The following SORCS2 variants were observed in gnomAD, a reference collection of about 807,000 sequenced individuals.
The protein encoded by SORCS2 is VPS10 domain-containing receptor SorCS2.
A neutral mutation model predicts 141.6 loss-of-function variants in SORCS2; 100 were observed. The ratio of observed to expected loss-of-function variants is 0.71; its 90% CI spans 0.60 to 0.83. The LOEUF is 0.83. Ranked by LOEUF, SORCS2 falls within the 40% of genes least tolerant of loss-of-function variation. The pLI is 0.00. For synonymous variants in SORCS2, 789 were observed against 676.9 expected, an observed-to-expected ratio of 1.17 and a Z score of -2.57; for missense variants, 1,646 against 1,560.2, an observed-to-expected ratio of 1.05 and a Z score of -0.93.
chr4:7,552,200 C>T (rs192887804), intron 3 of SORCS2, among the ~76,000 whole-genome samples: 173 of 152,340 alleles, frequency 1.1e-3, no homozygotes, highest in Non-Finnish European at 2.2e-3. Flanking sequence ...TTCCCAAGAT[C>T]CAGGGCCCAT....
rs933707903 is a variant in SORCS2 at position 7,428,139 on chromosome 4, C to A, written c.548+31784C>A. Among the ~76,000 whole-genome samples, 18 of 152,190 alleles carry A rather than the reference C, an allele frequency of 1.2e-4. 1 individual carries two copies. Among genetic ancestry groups the A allele is most frequent in the African/African-American group, 4.3e-4 (18 of 41,458 alleles). ...CTTCACCTGGACCATGGAGGACAAC[C>A]TTGTTTTGCACAGCGTCCCTGGGGC... is the stretch of plus-strand genomic sequence containing the variant. On this transcript the variant is annotated intron_variant, in intron 2 of 26. Coordinates refer to ENST00000507866, the MANE Select transcript of SORCS2 (RefSeq NM_020777.3).
At chr4:7,508,231 G>C (rs74320534) in intron 2 of SORCS2, among the ~76,000 whole-genome samples, 3,000 of 148,924 alleles carry the variant, frequency 0.02, 122 homozygotes, top group African/African-American at 0.071. Flanking sequence ...GGGGTGAGGA[G>C]GGATGAAGGT....
chr4:7,307,150 C>G (rs925959771), intron 1 of SORCS2, among the ~76,000 whole-genome samples: 1 of 152,122 alleles, frequency 6.6e-6, no homozygotes, highest in African/African-American at 2.4e-5. Flanking sequence ...ACCCTGAAGG[C>G]GACGCCAGCC....
chr4:7,737,226 C>T (rs995764011), intron 26 of SORCS2, 54 bp downstream of exon 26: 79 of 1,546,554 alleles, frequency 5.1e-5, no homozygotes, highest in Non-Finnish European at 6.8e-5. Flanking sequence ...TAACGTCCGC[C>T]CCAAACCCAC....
intron 1 of SORCS2, among the ~76,000 whole-genome samples, chr4:7,326,935 G>A (rs559833503): frequency 1.3e-4 from 20 of 151,812 alleles, no homozygotes; most frequent in African/African-American, 4.4e-4. Context: ...CAGTCAGGGT[G>A]CAGTGGCCTC....
At chr4:7,452,315 A>AT (rs1728512938) in intron 2 of SORCS2, among the ~76,000 whole-genome samples, 1 of 151,652 alleles carries the variant, frequency 6.6e-6, no homozygotes, top group East Asian at 1.9e-4. Flanking sequence ...TAATTTTTGT[A>AT]TTTTTTAGTA....
chr4:7,397,699 G>A (rs767327594), intron 2 of SORCS2, among the ~76,000 whole-genome samples: 2 of 152,158 alleles, frequency 1.3e-5, no homozygotes, highest in Non-Finnish European at 2.9e-5. Flanking sequence ...AGCTCCGTGG[G>A]CCCTGTGAAA....
intron 1 of SORCS2, among the ~76,000 whole-genome samples, chr4:7,394,406 G>A (rs1020703213): frequency 6.9e-6 from 1 of 145,614 alleles, no homozygotes; most frequent in Non-Finnish European, 1.5e-5. Flanking sequence ...GGCAGGGTTG[G>A]AGGGGGGGTG....
At chr4:7,213,225 G>C (rs1321210555) in intron 1 of SORCS2, among the ~76,000 whole-genome samples, 2 of 152,214 alleles carry the variant, frequency 1.3e-5, no homozygotes, top group African/African-American at 4.8e-5. Flanking sequence ...CCTGTGGGCT[G>C]TGGCACCTCC....
chr4:7,523,651 C>T (rs1356553132), intron 2 of SORCS2, among the ~76,000 whole-genome samples: 3 of 152,148 alleles, frequency 2.0e-5, no homozygotes, highest in African/African-American at 7.2e-5. Context: ...GAATGGGCCA[C>T]AGCATCCATC....
At chr4:7,315,088 C>T (rs1347475031) in intron 1 of SORCS2, among the ~76,000 whole-genome samples, 2 of 152,198 alleles carry the variant, frequency 1.3e-5, no homozygotes, top group African/African-American at 2.4e-5. Context: ...CGACCTCGGC[C>T]TCCCAAAGTG....
At chr4:7,639,528 T>G (rs1299780432) in intron 4 of SORCS2, among the ~76,000 whole-genome samples, 21 of 136,864 alleles carry the variant, frequency 1.5e-4, no homozygotes, top group Admixed American at 2.9e-4. Context: ...TTGTGGGATG[T>G]GGGGGGGTGT....
chr4:7,514,042 A>G (rs1312851468), intron 2 of SORCS2, among the ~76,000 whole-genome samples: 1 of 152,144 alleles, frequency 6.6e-6, no homozygotes, highest in African/African-American at 2.4e-5. Context: ...GCATTTCAGC[A>G]AACTTTCACT....
At chr4:7,254,862 G>A (rs553084167) in intron 1 of SORCS2, among the ~76,000 whole-genome samples, 4 of 152,176 alleles carry the variant, frequency 2.6e-5, no homozygotes, top group East Asian at 1.9e-4. Flanking sequence ...CACAGCCCCC[G>A]GGGACCTGTC....
At chr4:7,222,780 G>C (rs1188728076) in intron 1 of SORCS2, among the ~76,000 whole-genome samples, 2 of 152,066 alleles carry the variant, frequency 1.3e-5, no homozygotes, top group African/African-American at 4.8e-5. Flanking sequence ...ACAGATCTGT[G>C]TGGGGTGTGG....
intron 2 of SORCS2, among the ~76,000 whole-genome samples, chr4:7,452,989 TCC>T (rs1560296843): frequency 3.9e-5 from 4 of 102,266 alleles, no homozygotes; most frequent in East Asian, 5.9e-4. Context: ...GGGGTCAGGC[TCC>T]GTGTTGGGGT....
intron 1 of SORCS2, among the ~76,000 whole-genome samples, chr4:7,224,750 G>C (rs35194996): frequency 0.24 from 36,018 of 152,078 alleles, 4,355 homozygotes; most frequent in Middle Eastern, 0.25. Context: ...GTGTGGCACT[G>C]GGTGGGGATC....
intron 1 of SORCS2, among the ~76,000 whole-genome samples, chr4:7,364,681 G>A (rs946797536): frequency 6.6e-6 from 1 of 152,152 alleles, no homozygotes; most frequent in African/African-American, 2.4e-5. Flanking sequence ...GCTAACATTG[G>A]CTTGAGCACT....
intron 1 of SORCS2, among the ~76,000 whole-genome samples, chr4:7,279,750 A>C (rs1443015869): frequency 6.6e-6 from 1 of 152,246 alleles, no homozygotes; most frequent in East Asian, 1.9e-4. Flanking sequence ...GTTTGCAGAA[A>C]CAGACGAAGG....
Sources: allele counts gnomAD v4.1 joint callset (sites outside exome capture counted in the v4.1 genomes callset), GRCh38; gene constraint gnomAD v4.1.1; transcripts MANE v1.5; gene names NCBI Gene and HGNC (gene_info 2026-07-23, HGNC 2026-07-21).